Variants in NSUN6 observed in about 807,000 individuals in gnomAD.
The protein encoded by NSUN6 is NOP2/Sun RNA methyltransferase 6.
In NSUN6, 64 loss-of-function variants were observed where a neutral mutation model predicts 58.0. The ratio of observed to expected loss-of-function variants is 1.10; its 90% CI spans 0.90 to 1.36. The LOEUF (loss-of-function observed/expected upper bound fraction) is 1.36. Ranked by LOEUF, NSUN6 falls within the 40% of genes most tolerant of loss-of-function variation. The pLI, the probability that NSUN6 is intolerant of heterozygous loss-of-function variation, is 0.00. For synonymous variants in NSUN6, 231 were observed against 193.9 expected, an observed-to-expected ratio of 1.19 and a Z score of -1.59; for missense variants, 701 against 550.1, an observed-to-expected ratio of 1.27 and a Z score of -2.74.
chr10:18,642,223 G>GA (rs1362330557), intron 3 of NSUN6, among the ~76,000 whole-genome samples: 1 of 151,516 alleles, frequency 6.6e-6, no homozygotes, highest in Non-Finnish European at 1.5e-5. Flanking sequence ...AAGTGGGGGG[G>GA]GGAAAACATC....
Position 18,546,061 on chromosome 10 carries a change from C to A in NSUN6, c.1282G>T (p.Ala428Ser). ...LKQLQRFDPS[A>S]VPLPDTDMDS... The stretch of plus-strand genomic sequence containing the variant: ...ATGTCAGTGTCCGGTAATGGCACAG[C>A]CGATGGATCAAATCGCTGCAGCTGT... The change falls in exon 11 of 11, where the codon GCT (alanine) becomes TCT (serine). Residue 428 changes from alanine to serine, a missense_variant. Coordinates refer to ENST00000377304, the MANE Select transcript of NSUN6 (RefSeq NM_182543.5). 2 of 1,606,316 alleles carry A rather than the reference C, an allele frequency of 1.2e-6. No individual in the cohort carries two copies. Among genetic ancestry groups the A allele is most frequent in the Admixed American group, 1.7e-5 (1 of 58,552 alleles).
upstream of NSUN6, chr10:18,653,309 T>A: frequency 1.0e-6 from 1 of 982,108 alleles, no homozygotes; most frequent in South Asian, 4.7e-5. Context: ...AAGAAAATGC[T>A]GATAAAGCAT....
At chr10:18,596,947 C>G (rs1362161007) in intron 6 of NSUN6, among the ~76,000 whole-genome samples, 3 of 152,152 alleles carry the variant, frequency 2.0e-5, no homozygotes, top group Non-Finnish European at 4.4e-5. Context: ...CATCATCTAA[C>G]TCTCATTTAA....
rs191706547 is a variant in NSUN6 at position 18,625,976 on chromosome 10, G to A, written c.312-9683C>T. On this transcript the variant is annotated intron_variant, in intron 3 of 10. Transcript: ENST00000377304. ...AATACTATGTGGCCTGAAACGACCAGACTCAGCCAACTTGTTTTATAAACA... is the reference window on the plus strand; with the variant it reads ...AATACTATGTGGCCTGAAACGACCAAACTCAGCCAACTTGTTTTATAAACA... Among the ~76,000 whole-genome samples, 4 of 151,890 alleles carry A rather than the reference G, an allele frequency of 2.6e-5. No individual in the cohort carries two copies. The South Asian group carries it at 6.2e-4, about 24-fold the overall frequency.
At chr10:18,555,386 A>AC in intron 8 of NSUN6, among the ~76,000 whole-genome samples, 1 of 151,604 alleles carries the variant, frequency 6.6e-6, no homozygotes, top group Non-Finnish European at 1.5e-5. Context: ...AATGGAATGG[A>AC]ATCGAATGGA....
upstream of NSUN6, among the ~76,000 whole-genome samples, chr10:18,657,405 C>A (rs181246711): frequency 6.6e-6 from 1 of 151,934 alleles, no homozygotes; most frequent in Non-Finnish European, 1.5e-5. Flanking sequence ...TAAATTTTAA[C>A]GAACTGAAAA....
At chr10:18,632,453 T>C (rs1410411182) in intron 3 of NSUN6, among the ~76,000 whole-genome samples, 1 of 146,636 alleles carries the variant, frequency 6.8e-6, no homozygotes, top group Non-Finnish European at 1.5e-5. Flanking sequence ...GAAACTACCA[T>C]CAGAGTGAAC....
chr10:18,600,109 C>G (rs2057746171), intron 6 of NSUN6, among the ~76,000 whole-genome samples: 1 of 152,020 alleles, frequency 6.6e-6, no homozygotes, highest in East Asian at 1.9e-4. Flanking sequence ...CCCCACTTAC[C>G]ACTAAAAAGC....
intron 8 of NSUN6, among the ~76,000 whole-genome samples, chr10:18,567,443 A>T (rs2056041597): frequency 6.8e-6 from 1 of 146,976 alleles, no homozygotes; most frequent in African/African-American, 2.5e-5. Flanking sequence ...GCTCCATTCC[A>T]TTCCATGCTC....
At chr10:18,637,524 T>C (rs779668745) in intron 3 of NSUN6, among the ~76,000 whole-genome samples, 4 of 152,214 alleles carry the variant, frequency 2.6e-5, no homozygotes, top group Non-Finnish European at 5.9e-5. Flanking sequence ...TCAAAATCTC[T>C]CATATACTGC....
chr10:18,655,050 C>T (rs1238421363), upstream of NSUN6: 13 of 981,728 alleles, frequency 1.3e-5, no homozygotes, highest in Middle Eastern at 5.2e-4. Flanking sequence ...TTTCTTGCCA[C>T]GCTTATGGAA....
At chr10:18,653,805 T>A (rs1034337101), upstream of NSUN6, among the ~76,000 whole-genome samples, 21 of 152,234 alleles carry the variant, frequency 1.4e-4, no homozygotes, top group Non-Finnish European at 2.4e-4. Context: ...ATATGTGCTA[T>A]GTAAGCAAAG....
At chr10:18,558,491 T>C (rs1324463002) in intron 8 of NSUN6, among the ~76,000 whole-genome samples, 1 of 145,620 alleles carries the variant, frequency 6.9e-6, no homozygotes, top group East Asian at 2.1e-4. Flanking sequence ...GAATAGAATA[T>C]GGAATGGAAT....
rs138645480 is a variant in NSUN6, at chr10:18,648,603, C to G, written c.118G>C (p.Glu40Gln). The change falls in exon 2 of 11, where the codon GAA becomes CAA. Residue 40 changes from glutamate to glutamine, a missense_variant. Physicochemically the swap from Glu to Gln is conservative, Grantham distance 29 (BLOSUM62 2). Coordinates refer to ENST00000377304, the MANE Select transcript of NSUN6 (RefSeq NM_182543.5). ...LGKQEAERKF[E>Q]TLLKHLSHPP... ...TGTGACAGGTGCTTTAACAAAGTTT[C>G]AAACTTCCTTTCTGCTTCTTGTTTA... is the stretch of plus-strand genomic sequence containing the variant. The G allele has an allele frequency of 6.2e-7, 1 of 1,607,874 alleles. No individual in the cohort carries two copies. The highest frequency in any genetic ancestry group is 1.1e-5 in the South Asian group (1 of 90,884).
Position 18,546,159 on chromosome 10 carries a change from G to C in NSUN6, c.1198-14C>G, listed in dbSNP as rs757907284. 1.3e-6 allele frequency: 2 copies of C among 1,571,008 alleles called. No individual in the cohort carries two copies. Among genetic ancestry groups the C allele is most frequent in the Non-Finnish European group, 1.8e-6 (2 of 1,140,558 alleles). ...AATCTGCGGTTCCTGTTTGGAGAAA[G>C]TGGATCAATATGGATGAACATCCTG... is the stretch of plus-strand genomic sequence containing the variant. On this transcript the variant is annotated splice_polypyrimidine_tract_variant and intron_variant, in intron 10 of 10. Coordinates refer to ENST00000377304, the MANE Select transcript of NSUN6 (RefSeq NM_182543.5).
chr10:18,615,128 T>TATATATATATAC (rs562207637), intron 4 of NSUN6, among the ~76,000 whole-genome samples: 5 of 147,998 alleles, frequency 3.4e-5, no homozygotes, highest in African/African-American at 7.4e-5. Context: ...TATATATATA[T>TATATATATATAC]ACACACACAT....
intron 6 of NSUN6, among the ~76,000 whole-genome samples, chr10:18,604,984 C>T (rs1423134482): frequency 3.6e-4 from 55 of 150,856 alleles, no homozygotes; most frequent in African/African-American, 1.3e-3. Context: ...CTCCCGGGTT[C>T]ATGCCATTCT....
At chr10:18,546,177 A>T in intron 10 of NSUN6, 32 bp from the exon 11 acceptor site, 1 of 1,411,502 alleles carries the variant, frequency 7.1e-7, no homozygotes, top group South Asian at 1.1e-5. Flanking sequence ...ATATGGATGA[A>T]CATCCTGTAA....
intron 2 of NSUN6, among the ~76,000 whole-genome samples, chr10:18,643,735 T>G (rs146611741): frequency 6.6e-6 from 1 of 152,202 alleles, no homozygotes; most frequent in Non-Finnish European, 1.5e-5. Flanking sequence ...GTATCAATTA[T>G]AGGGAACAAA....
Sources: allele counts gnomAD v4.1 joint callset (sites outside exome capture counted in the v4.1 genomes callset), GRCh38; gene constraint gnomAD v4.1.1; transcripts MANE v1.5; gene names NCBI Gene and HGNC (gene_info 2026-07-23, HGNC 2026-07-21).